The following EPB41 variants were observed in gnomAD, a reference collection of about 807,000 sequenced individuals.
EPB41 encodes the protein erythrocyte membrane protein band 4.1.
In EPB41, 65 loss-of-function variants were observed where a neutral mutation model predicts 108.0. That is an observed-to-expected ratio of 0.60 (90% CI 0.49 to 0.74). The LOEUF (loss-of-function observed/expected upper bound fraction) is 0.74, where lower values mean the gene tolerates loss of function less well. Ranked by LOEUF, EPB41 falls within the 30% of genes least tolerant of loss-of-function variation. EPB41 has a pLI of 0.00. For synonymous variants in EPB41, 336 were observed against 358.9 expected (o/e 0.94, Z 0.72); for missense variants, 875 against 1,037.0 (o/e 0.84, Z 2.15).
intron 16 of EPB41, chr1:29,066,059 C>T (rs899385026): frequency 6.6e-6 from 1 of 151,668 alleles, no homozygotes; most frequent in African/African-American, 2.4e-5. Context: ...AAGATAGTCA[C>T]AATTAGAGGT....
At chr1:29,028,497 G>A (rs2096749534) in intron 7 of EPB41, among the ~76,000 whole-genome samples, 1 of 152,178 alleles carries the variant, frequency 6.6e-6, no homozygotes, top group South Asian at 2.1e-4. Context: ...GCCTATCCTA[G>A]TATCTAGAAA....
At position 29,004,805 on chromosome 1, in the gene EPB41, AT is replaced by A. The variant is rs529692988; in HGVS notation, c.787-7057del. 1.9e-3 allele frequency among the ~76,000 whole-genome samples: 290 copies of A among 152,338 alleles called. 5 individuals carry two copies. The highest frequency in any genetic ancestry group is 0.017 in the Admixed American group (262 of 15,306). On this transcript the variant is annotated intron_variant, in intron 4 of 20. Coordinates refer to ENST00000343067, the MANE Select transcript of EPB41 (RefSeq NM_001376013.1). ...TTCTATAACATAACTTGGAGCAGTGATTTGAAGTCAACATCCTAACAGCAGC... is the reference window on the plus strand; with the variant it reads ...TTCTATAACATAACTTGGAGCAGTGATTGAAGTCAACATCCTAACAGCAGC...
intron 11 of EPB41, among the ~76,000 whole-genome samples, chr1:29,045,183 T>C (rs1642800136): frequency 6.6e-6 from 1 of 152,168 alleles, no homozygotes; most frequent in South Asian, 2.1e-4. Context: ...ATGGATCAGT[T>C]TGGAGATAAT....
chr1:28,986,735 G>A (rs2149511139), intron 1 of EPB41, among the ~76,000 whole-genome samples: 1 of 151,840 alleles, frequency 6.6e-6, no homozygotes, highest in African/African-American at 2.4e-5. Flanking sequence ...TTCGAGACCT[G>A]CCTGGGCAAT....
chr1:28,990,377 C>T (rs2095989066), intron 2 of EPB41, among the ~76,000 whole-genome samples: 1 of 126,616 alleles, frequency 7.9e-6, no homozygotes, highest in Non-Finnish European at 1.6e-5. Flanking sequence ...TCCTCTGCCT[C>T]CCTCCTTTCC....
rs915319376 is a variant in EPB41 at position 28,887,173 on chromosome 1, G to C, written c.-45G>C. ...AAAGGGCGAGAGCGGCGCGGAGCCA[G>C]AACGCGGTCGGCCCGGTCCCCGCCG... is the stretch of plus-strand genomic sequence containing the variant. On this transcript the variant is annotated 5_prime_UTR_variant, in exon 1 of 17. Coordinates refer to the EPB41 transcript ENST00000347529. The surrounding 1 kb of genome is among the most constrained non-coding windows in gnomAD (Gnocchi z 4.9). 30 of 1,202,146 alleles carry C rather than the reference G, an allele frequency of 2.5e-5. No individual in the cohort carries two copies. In the African/African-American group the frequency reaches 4.5e-4, roughly 18 times the overall value. The allele number at this position is 1,202,146 out of a possible 1,614,324, so 74.5% of individuals were successfully genotyped here. A position where few individuals can be genotyped will look rare whatever the true frequency, so the allele number is the denominator to read the frequency against.
intron 1 of EPB41, among the ~76,000 whole-genome samples, chr1:28,918,063 C>G (rs1018788453): frequency 6.6e-6 from 1 of 152,130 alleles, no homozygotes; most frequent in African/African-American, 2.4e-5. Context: ...GTTCTGAAAT[C>G]AAGAGGAGCA....
intron 1 of EPB41, among the ~76,000 whole-genome samples, chr1:28,974,236 C>G (rs1321840618): frequency 6.6e-6 from 1 of 152,140 alleles, no homozygotes; most frequent in Non-Finnish European, 1.5e-5. Context: ...AGAATCAAAT[C>G]CAGGAGGTCA....
At chr1:28,948,523 A>AAAAT (rs1045117864) in intron 1 of EPB41, among the ~76,000 whole-genome samples, 4 of 151,138 alleles carry the variant, frequency 2.6e-5, no homozygotes, top group Non-Finnish European at 4.4e-5. Context: ...AAAAAAAAAA[A>AAAAT]AGAAAGAAAG....
At chr1:29,078,070 A>G (rs1463585078) in intron 16 of EPB41, among the ~76,000 whole-genome samples, 1 of 152,174 alleles carries the variant, frequency 6.6e-6, no homozygotes, top group Non-Finnish European at 1.5e-5. Flanking sequence ...CTACTAAAAT[A>G]CAAAAATTAG....
rs948568901 is a variant in EPB41, at chr1:29,011,881, C to T, written c.803C>T (p.Ala268Val). ...TTTTTACAGACATGGCTGGATTCCG[C>T]CAAAGAAATAAAAAAGCAGGTTCGT... Reference protein sequence around the residue: ...NATSKTWLDSAKEIKKQVRGV... With the variant: ...NATSKTWLDSVKEIKKQVRGV... The change falls in exon 5 of 21, where the codon GCC (alanine) becomes GTC (valine). Residue 268 changes from alanine to valine, a missense_variant. Ala to Val is a moderately conservative substitution (Grantham distance 64). Coordinates refer to ENST00000343067, the MANE Select transcript of EPB41 (RefSeq NM_001376013.1). 1 of 1,613,936 alleles carries T rather than the reference C, an allele frequency of 6.2e-7. No individual in the cohort carries two copies. Among genetic ancestry groups the T allele is most frequent in the Admixed American group, 1.7e-5 (1 of 59,992 alleles).
At chr1:28,936,052 C>G (rs985752238) in intron 1 of EPB41, among the ~76,000 whole-genome samples, 1 of 152,122 alleles carries the variant, frequency 6.6e-6, no homozygotes, top group Non-Finnish European at 1.5e-5. Context: ...TTACGCTGTT[C>G]TAACCTTGGC....
At position 29,079,040 on chromosome 1, in the gene EPB41, G is replaced by A. The variant is rs1013291417; in HGVS notation, c.2184+13882G>A. On this transcript the variant is annotated intron_variant, in intron 16 of 20. Transcript: ENST00000343067. The stretch of plus-strand genomic sequence containing the variant: ...CACAAAATTTCGCTCTTGTTGCCCA[G>A]GCTGGAGTGCAATGGTGCGATCTCG... Among the ~76,000 whole-genome samples the A allele has an allele frequency of 3.3e-5, 5 of 151,662 alleles. No individual in the cohort carries two copies. In the East Asian group the frequency reaches 9.7e-4, roughly 29 times the overall value.
intron 4 of EPB41, among the ~76,000 whole-genome samples, chr1:29,004,988 A>G (rs1462557880): frequency 1.3e-5 from 2 of 152,144 alleles, no homozygotes; most frequent in African/African-American, 2.4e-5. Flanking sequence ...AACTCGGGGA[A>G]TGGAGTTCTT....
rs1553174370 is a variant in EPB41 at position 28,934,666 on chromosome 1, T to TTTGTGTGTGTGTGTGTGTGTG, written c.-8+19899_-8+19900insTGTGTGTGTGTGTGTGTGTGT. Among the ~76,000 whole-genome samples, 23 of 136,400 alleles carry TTTGTGTGTGTGTGTGTGTGTG rather than the reference T, an allele frequency of 1.7e-4. No individual in the cohort carries two copies. The East Asian group carries it at 3.2e-3, about 19-fold the overall frequency. The allele number at this position is 136,400 out of a possible 152,430, so 89.5% of individuals were successfully genotyped here. A position where few individuals can be genotyped will look rare whatever the true frequency, so the allele number is the denominator to read the frequency against. On this transcript the variant is annotated intron_variant, in intron 1 of 20. Transcript: ENST00000343067. Reference sequence around the variant, plus strand: ...TGGTTGGCCTCTGGTTCTTTTGACATTGTGTGTGTGTGTGTGTGTGTGTGT... The same window carrying TTTGTGTGTGTGTGTGTGTGTG: ...TGGTTGGCCTCTGGTTCTTTTGACATTTGTGTGTGTGTGTGTGTGTGTGTGTGTGTGTGTGTGTGTGTGTGT...
Position 29,115,919 on chromosome 1 carries a change from G to T in EPB41, c.*6+116G>T. The T allele has an allele frequency of 1.3e-6, 1 of 799,348 alleles. No homozygotes were observed. Among genetic ancestry groups the T allele is most frequent in the Non-Finnish European group, 2.1e-6 (1 of 466,358 alleles). 49.5% of individuals were successfully genotyped at this position (799,348 alleles called of 1,614,324 possible). On this transcript the variant is annotated intron_variant, in intron 20 of 20. Coordinates refer to ENST00000343067, the MANE Select transcript of EPB41 (RefSeq NM_001376013.1). This position sits in a 1 kb window ranked among gnomAD's most constrained non-coding sequence, Gnocchi z 4.4. ...CCCCACAAAGAGGTGTTCACCCTGGGACTTGATAAAGGCAGACGAGAGGCT... is the reference window on the plus strand; with the variant it reads ...CCCCACAAAGAGGTGTTCACCCTGGTACTTGATAAAGGCAGACGAGAGGCT...
chr1:28,962,090 C>T (rs922873598), intron 1 of EPB41, among the ~76,000 whole-genome samples: 21 of 151,040 alleles, frequency 1.4e-4, no homozygotes, highest in Admixed American at 4.6e-4. Context: ...GATGGAGTCT[C>T]GCCCTTGTTG....
intron 9 of EPB41, among the ~76,000 whole-genome samples, chr1:29,035,251 G>A (rs1179054417): frequency 6.6e-6 from 1 of 151,970 alleles, no homozygotes; most frequent in East Asian, 1.9e-4. Flanking sequence ...CCAAAGTGCT[G>A]GGATTACAGG....
intron 12 of EPB41, among the ~76,000 whole-genome samples, 198 bp from the exon 13 acceptor site, chr1:29,058,391 G>A (rs1017652581): frequency 1.3e-5 from 2 of 151,972 alleles, no homozygotes; most frequent in African/African-American, 4.8e-5. Context: ...TTTCAGCCTT[G>A]AAAATGTGAT....
Sources: allele counts gnomAD v4.1 joint callset (sites outside exome capture counted in the v4.1 genomes callset), GRCh38; gene constraint gnomAD v4.1.1; non-coding constraint Gnocchi (gnomAD v3.1); transcripts MANE v1.5; gene names NCBI Gene and HGNC (gene_info 2026-07-23, HGNC 2026-07-21).